CTR9: variants seen among roughly 807,000 people sequenced by gnomAD.
The protein encoded by CTR9 is CTR9 component of Paf1/RNA polymerase II complex.
A neutral mutation model predicts 152.1 loss-of-function variants in CTR9; 41 were observed. The observed-to-expected ratio is 0.27, with a 90% confidence interval of 0.21 to 0.35. The LOEUF is 0.35. Among genes scored for constraint, CTR9 ranks in the 10% least tolerant of loss-of-function variants. The probability of loss-of-function intolerance (pLI) is 1.00; values close to 1 mark genes in which losing one functional copy is unlikely to be tolerated. For missense variants in CTR9, 917 were observed against 1,424.4 expected (o/e 0.64, Z 5.73); for synonymous variants, 476 against 496.2 (o/e 0.96, Z 0.54).
At chr11:10,768,512 A>G in intron 16 of CTR9, 21 bp downstream of exon 16, 1 of 1,576,606 alleles carries the variant, frequency 6.3e-7, no homozygotes, top group Non-Finnish European at 8.6e-7. Context: ...CTCTTTCAAG[A>G]TATTTTTATA....
rs1863079035 is a variant in CTR9 at position 10,767,553 on chromosome 11, C to T, written c.1687-253C>T. On this transcript the variant is annotated intron_variant, in intron 13 of 24. Coordinates refer to ENST00000361367, the MANE Select transcript of CTR9 (RefSeq NM_014633.5). This position sits in a 1 kb window ranked among gnomAD's most constrained non-coding sequence, Gnocchi z 4.0. ...TAAATTGACCAACCTAATGTTACAA[C>T]TACTTTGAGGTGGCCAAATGTAAAC... is the stretch of plus-strand genomic sequence containing the variant. 1 of 391,916 alleles carries T rather than the reference C, an allele frequency of 2.6e-6. No homozygotes were observed. Among genetic ancestry groups the T allele is most frequent in the Non-Finnish European group, 4.7e-6 (1 of 214,230 alleles). The allele number at this position is 391,916 out of a possible 1,614,324, so 24.3% of individuals were successfully genotyped here. A position where few individuals can be genotyped will look rare whatever the true frequency, so the allele number is the denominator to read the frequency against.
chr11:10,758,085 G>A (rs973094232), intron 5 of CTR9, among the ~76,000 whole-genome samples: 1 of 152,166 alleles, frequency 6.6e-6, no homozygotes, highest in East Asian at 1.9e-4. Context: ...GAAAGAGTTG[G>A]GGGGAAAGTA....
intron 22 of CTR9, among the ~76,000 whole-genome samples, chr11:10,774,589 TG>T (rs1451111628): frequency 1.3e-5 from 2 of 152,224 alleles, no homozygotes; most frequent in Non-Finnish European, 2.9e-5. Context: ...GATGTGAATG[TG>T]TGTAAAAGTG....
At chr11:10,761,751 A>C (rs1862981666) in intron 6 of CTR9, among the ~76,000 whole-genome samples, 196 bp from the exon 7 acceptor site, 1 of 152,196 alleles carries the variant, frequency 6.6e-6, no homozygotes, top group South Asian at 2.1e-4. Flanking sequence ...AAAGTGACAC[A>C]CAAAAAAATT....
chr11:10,764,341 A>G lies in CTR9; in HGVS notation c.1318A>G (p.Ile440Val), dbSNP rs1863026012. The change falls in exon 11 of 25, where the codon ATC (isoleucine) becomes GTC (valine). Residue 440 changes from isoleucine (I) to valine (V), a missense_variant. Physicochemically the swap from Ile to Val is conservative, Grantham distance 29. Around this residue, in one of 9 missense-constraint regions of CTR9, gnomAD observed 133 missense variants for 244.1 expected, o/e 0.54. Transcript: ENST00000361367. ...ALSAYGTATR[I>V]LQEKVQADVP... is the part of the protein sequence containing the mutation. ...TTCAGCCTATGGAACAGCAACACGA[A>G]TCCTTCAGGAGAAAGTGCAGGCCGA... 1 of 1,614,104 alleles carries G rather than the reference A, an allele frequency of 6.2e-7. No homozygotes were observed. The highest frequency in any genetic ancestry group is 8.5e-7 in the Non-Finnish European group (1 of 1,180,004).
At chr11:10,753,753 A>G (rs1452985993) in intron 2 of CTR9, among the ~76,000 whole-genome samples, 1 of 151,246 alleles carries the variant, frequency 6.6e-6, no homozygotes, top group Admixed American at 6.6e-5. Flanking sequence ...CAAAAATTAG[A>G]ATATTGGAGG....
At chr11:10,774,311 T>C (rs1863195761) in intron 22 of CTR9, 142 bp downstream of exon 22, 4 of 994,652 alleles carry the variant, frequency 4.0e-6, no homozygotes, top group Non-Finnish European at 5.8e-6. Context: ...CCTACTTTAA[T>C]CCTAAGATAG....
At chr11:10,759,851 C>T (rs1270896013) in intron 5 of CTR9, among the ~76,000 whole-genome samples, 3 of 152,082 alleles carry the variant, frequency 2.0e-5, no homozygotes, top group Non-Finnish European at 4.4e-5. Context: ...CTTTTGTTCT[C>T]TGTTTAAAAA....
chr11:10,759,373 T>C (rs1564966305), intron 5 of CTR9, among the ~76,000 whole-genome samples: 1 of 152,214 alleles, frequency 6.6e-6, no homozygotes, highest in South Asian at 2.1e-4. Flanking sequence ...GAATTGATCA[T>C]TGGATTTAGC....
At chr11:10,757,234 A>G (rs963264425) in intron 5 of CTR9, among the ~76,000 whole-genome samples, 6 of 152,084 alleles carry the variant, frequency 3.9e-5, no homozygotes, top group African/African-American at 1.4e-4. Context: ...GCAGTGAGCC[A>G]TCATTGTGCC....
At chr11:10,773,053 A>C in intron 20 of CTR9, 74 bp from the exon 21 acceptor site, 1 of 1,512,584 alleles carries the variant, frequency 6.6e-7, no homozygotes, top group Non-Finnish European at 8.9e-7. Flanking sequence ...TCCTCTGCTT[A>C]GGATGGTAGC....
Position 10,761,995 on chromosome 11 carries a change from A to G in CTR9, c.790A>G (p.Ile264Val), listed in dbSNP as rs1862985867. Residue 264 changes from isoleucine to valine, a missense_variant, in exon 7 of 25, where the codon ATT (isoleucine) becomes GTT (valine). By Grantham distance (29) the Ile-to-Val change is conservative (BLOSUM62 3). Coordinates refer to ENST00000361367, the MANE Select transcript of CTR9 (RefSeq NM_014633.5). ...CCAGCTTCTTTCCAGAGCCTATACT[A>G]TTGATCCTAGCAACCCTATGGTATT... ...GVQLLSRAYT[I>V]DPSNPMVLNH... The G allele has an allele frequency of 5.0e-6, 8 of 1,611,688 alleles. No individual in the cohort carries two copies. Among genetic ancestry groups the G allele is most frequent in the East Asian group, 2.2e-5 (1 of 44,740 alleles).
At chr11:10,769,863 G>A (rs1306893221) in intron 16 of CTR9, among the ~76,000 whole-genome samples, 6 of 151,858 alleles carry the variant, frequency 4.0e-5, no homozygotes, top group Admixed American at 3.9e-4. Context: ...GGACAACGGT[G>A]TATGACTTCT....
rs146316478 is a variant in CTR9 at position 10,773,684 on chromosome 11, C to T, written c.2728-328C>T. 7.4e-3 allele frequency among the ~76,000 whole-genome samples: 1,124 copies of T among 151,962 alleles called. 15 individuals carry two copies. Among genetic ancestry groups the T allele is most frequent in the African/African-American group, 0.026 (1,073 of 41,414 alleles). On this transcript the variant is annotated intron_variant, in intron 21 of 24. Coordinates refer to ENST00000361367, the MANE Select transcript of CTR9 (RefSeq NM_014633.5). ...GGGCAGATCACTTGAGGTCAGGAGT[C>T]TGAGACCAGTTTGGCCAACATGGTC...
chr11:10,760,381 T>C (rs1000154224), intron 6 of CTR9, 60 bp downstream of exon 6: 338 of 1,502,842 alleles, frequency 2.2e-4, no homozygotes, highest in Non-Finnish European at 2.2e-4. Context: ...CAGCCTCTTA[T>C]CTAAAACTCT....
At position 10,767,947 on chromosome 11, in the gene CTR9, G is replaced by A. The variant is rs1245642519; in HGVS notation, c.1828G>A (p.Val610Met). 1.2e-6 allele frequency: 2 copies of A among 1,613,972 alleles called. No homozygotes were observed. The highest frequency in any genetic ancestry group is 2.2e-5 in the East Asian group (1 of 44,888). The stretch of plus-strand genomic sequence containing the variant: ...CTATTCTATGCTAGCCCTTGGCAAC[G>A]TGTGGCTCCAAACTTTACATCAGCC... ...DTYSMLALGN[V>M]WLQTLHQPTR... Residue 610 changes from valine to methionine, a missense_variant, in exon 14 of 25, where the codon GTG becomes ATG. Physicochemically the swap from Val to Met is conservative, Grantham distance 21 (BLOSUM62 1). Coordinates refer to ENST00000361367, the MANE Select transcript of CTR9 (RefSeq NM_014633.5). The surrounding 1 kb of genome is among the most constrained non-coding windows in gnomAD (Gnocchi z 4.0).
At chr11:10,775,119 C>G in intron 22 of CTR9, 88 bp from the exon 23 acceptor site, 1 of 1,028,966 alleles carries the variant, frequency 9.7e-7, no homozygotes, top group Non-Finnish European at 1.5e-6. Flanking sequence ...GAAGAGGATT[C>G]AGAATGAATA....
At chr11:10,769,799 A>T (rs908818271) in intron 16 of CTR9, among the ~76,000 whole-genome samples, 4 of 152,226 alleles carry the variant, frequency 2.6e-5, no homozygotes, top group African/African-American at 9.6e-5. Flanking sequence ...CCTCATGCTC[A>T]TTGCCAGTAG....
At chr11:10,757,657 A>G (rs1013569173) in intron 5 of CTR9, among the ~76,000 whole-genome samples, 1 of 152,208 alleles carries the variant, frequency 6.6e-6, no homozygotes, top group Non-Finnish European at 1.5e-5. Flanking sequence ...AATGTCATTC[A>G]TGTAGCAAAT....
Sources: gnomAD v4.1 joint callset for allele counts (sites outside exome capture counted in the v4.1 genomes callset) on GRCh38, gnomAD v4.1.1 for gene constraint, gnomAD v4.1.1 regional missense constraint, Gnocchi (gnomAD v3.1) non-coding constraint, MANE v1.5 for transcripts, NCBI Gene and HGNC (gene_info 2026-07-23, HGNC 2026-07-21) for gene names.